The following AZIN2 variants were observed in gnomAD, a reference collection of about 807,000 sequenced individuals.
The protein encoded by AZIN2 is antizyme inhibitor 2.
Under a neutral mutation model 47.8 loss-of-function variants are expected in AZIN2, and 28 were observed. The observed-to-expected ratio is 0.59, with a 90% confidence interval of 0.43 to 0.80. The LOEUF is 0.80. Among genes scored for constraint, AZIN2 ranks in the 30% least tolerant of loss-of-function variants. The pLI is 0.00. For missense variants in AZIN2, 535 were observed against 582.5 expected (o/e 0.92, Z 0.84); for synonymous variants, 221 against 239.4 (o/e 0.92, Z 0.71).
At chr1:33,157,231 C>T in the AZIN2 span, among the ~76,000 whole-genome samples, 1 of 152,206 alleles carries the variant, frequency 6.6e-6, no homozygotes, top group Non-Finnish European at 1.5e-5. Context: ...GACCCTCCTT[C>T]TCACTCATCT....
chr1:33,109,073 T>A (rs1000223969), intron 10 of AZIN2, among the ~76,000 whole-genome samples: 2 of 152,220 alleles, frequency 1.3e-5, no homozygotes, highest in African/African-American at 4.8e-5. Flanking sequence ...TTTGAGTAAG[T>A]GTTCAGTGGT....
intron 11 of AZIN2, chr1:33,119,025 G>C (rs1644694823): frequency 6.6e-6 from 1 of 152,384 alleles, no homozygotes; most frequent in African/African-American, 2.4e-5. Context: ...ACAGAAAGCA[G>C]GAGCAGTTTG....
chr1:33,106,865 C>T (rs1644029663), intron 10 of AZIN2, among the ~76,000 whole-genome samples: 1 of 152,178 alleles, frequency 6.6e-6, no homozygotes, highest in Non-Finnish European at 1.5e-5. Context: ...ACTCTCACCA[C>T]TTCTATTTAG....
chr1:33,111,607 ATT>A (rs752298737), intron 10 of AZIN2, among the ~76,000 whole-genome samples: 40 of 144,938 alleles, frequency 2.8e-4, no homozygotes, highest in African/African-American at 8.3e-4. Flanking sequence ...TATATGAATA[ATT>A]TTTTTTTTTT....
At chr1:33,161,137 G>A in the AZIN2 span, among the ~76,000 whole-genome samples, 1 of 152,204 alleles carries the variant, frequency 6.6e-6, no homozygotes, top group Non-Finnish European at 1.5e-5. The surrounding 1 kb of genome is among the most constrained non-coding windows in gnomAD (Gnocchi z 4.3). Context: ...AAATGAGGGG[G>A]TGTTGTTGTG....
At chr1:33,149,636 A>T in the AZIN2 span, among the ~76,000 whole-genome samples, 1 of 144,484 alleles carries the variant, frequency 6.9e-6, no homozygotes, top group South Asian at 2.2e-4. Context: ...TAAATTTTTC[A>T]TAGAGATGAG....
At chr1:33,099,414 T>A (rs746661916) in intron 10 of AZIN2, among the ~76,000 whole-genome samples, 76 of 152,196 alleles carry the variant, frequency 5.0e-4, no homozygotes, top group Non-Finnish European at 6.9e-4. Flanking sequence ...CTCTCTACTC[T>A]GACGCACTAG....
chr1:33,161,043 C>T, the AZIN2 span, among the ~76,000 whole-genome samples: 1 of 152,216 alleles, frequency 6.6e-6, no homozygotes, highest in African/African-American at 2.4e-5. The surrounding 1 kb of genome is among the most constrained non-coding windows in gnomAD (Gnocchi z 4.3). Context: ...ATGGCAACGT[C>T]AGTTGCCTAA....
intron 10 of AZIN2, among the ~76,000 whole-genome samples, chr1:33,099,455 C>G (rs1337483852): frequency 6.6e-6 from 1 of 152,244 alleles, no homozygotes; most frequent in African/African-American, 2.4e-5. Context: ...TAGCCCACAT[C>G]CTACTGCACT....
Position 33,093,292 on chromosome 1 carries a change from TGC to T in AZIN2, c.464_465del (p.Cys155TyrfsTer5), listed in dbSNP as rs1642777491. The T allele has an allele frequency of 1.9e-6, 3 of 1,613,924 alleles. No individual in the cohort carries two copies. Among genetic ancestry groups the T allele is most frequent in the Middle Eastern group, 1.6e-4 (1 of 6,080 alleles). Reference sequence around the variant, plus strand: ...TGCGTGTCTCATCAGGATGGTTCTGTGCATTGCTACCGATGACTCCCACTCCC... The same window carrying T: ...TGCGTGTCTCATCAGGATGGTTCTGTATTGCTACCGATGACTCCCACTCCC... ...KSHPSAKMVL[C>X]IATDDSHSLS... is the part of the protein sequence containing the mutation. On this transcript the variant is annotated frameshift_variant, in exon 7 of 12. Coordinates refer to ENST00000294517, the MANE Select transcript of AZIN2 (RefSeq NM_052998.4). LOFTEE classifies it high-confidence loss of function.
intron 10 of AZIN2, among the ~76,000 whole-genome samples, chr1:33,102,048 G>A (rs1171259124): frequency 2.6e-5 from 4 of 152,052 alleles, no homozygotes; most frequent in African/African-American, 9.7e-5. Flanking sequence ...CTGGGTATAG[G>A]GCATGTGAAT....
intron 4 of AZIN2, chr1:33,083,566 G>A (rs929120038): frequency 3.1e-6 from 1 of 326,312 alleles, no homozygotes; most frequent in African/African-American, 2.1e-5. Context: ...CAAATGCAGT[G>A]GGAGCATTTA....
chr1:33,107,536 C>T (rs1446367084), intron 10 of AZIN2, among the ~76,000 whole-genome samples: 3 of 151,382 alleles, frequency 2.0e-5, no homozygotes, highest in Non-Finnish European at 2.9e-5. Flanking sequence ...ACTGAGATGG[C>T]GCCACTGCAC....
chr1:33,082,625 C>T, intron 4 of AZIN2: 1 of 350,702 alleles, frequency 2.9e-6, no homozygotes, highest in South Asian at 3.3e-5. Context: ...CACATCTAGG[C>T]ATTACCAAGC....
At chr1:33,147,907 G>A in the AZIN2 span, among the ~76,000 whole-genome samples, 1 of 152,216 alleles carries the variant, frequency 6.6e-6, no homozygotes, top group African/African-American at 2.4e-5. The surrounding 1 kb of genome is among the most constrained non-coding windows in gnomAD (Gnocchi z 8.1). Flanking sequence ...GAATGGAAGG[G>A]TGGTGGTTAA....
At chr1:33,089,993 T>C (rs754538176) in intron 5 of AZIN2, among the ~76,000 whole-genome samples, 1 of 152,164 alleles carries the variant, frequency 6.6e-6, no homozygotes. Context: ...AGTTTCCTTC[T>C]CTGTAGATTG....
At chr1:33,130,919 G>A in the AZIN2 span, among the ~76,000 whole-genome samples, 1 of 152,198 alleles carries the variant, frequency 6.6e-6, no homozygotes, top group Non-Finnish European at 1.5e-5. Flanking sequence ...TTTGGCAATG[G>A]AGTTGGATGT....
chr1:33,115,456 G>A (rs1303257513), intron 10 of AZIN2, among the ~76,000 whole-genome samples: 1 of 150,596 alleles, frequency 6.6e-6, no homozygotes, highest in Admixed American at 6.6e-5. Context: ...TGCAATCTCA[G>A]TACTTTGGAA....
the AZIN2 span, chr1:33,159,870 C>T: frequency 4.3e-6 from 7 of 1,612,636 alleles, no homozygotes; most frequent in Admixed American, 6.7e-5. The surrounding 1 kb of genome is among the most constrained non-coding windows in gnomAD (Gnocchi z 4.2). Context: ...GCATGGCCTT[C>T]TGGCGTTCAC....
Sources: gnomAD v4.1 joint callset for allele counts (sites outside exome capture counted in the v4.1 genomes callset) on GRCh38, gnomAD v4.1.1 for gene constraint, Gnocchi (gnomAD v3.1) non-coding constraint, MANE v1.5 for transcripts, NCBI Gene and HGNC (gene_info 2026-07-23, HGNC 2026-07-21) for gene names.